Variants in RET observed in about 807,000 individuals in gnomAD.
The protein encoded by RET is ret proto-oncogene.
A neutral mutation model predicts 118.3 loss-of-function variants in RET; 19 were observed. The observed-to-expected ratio is 0.16, with a 90% CI of 0.11 to 0.24. The LOEUF is 0.24. RET is among the 10% of genes least tolerant of loss of function. RET has a pLI of 1.00. For missense variants in RET, 1,219 were observed against 1,502.1 expected, an observed-to-expected ratio of 0.81 and a Z score of 3.12; for synonymous variants, 597 against 644.1, an observed-to-expected ratio of 0.93 and a Z score of 1.11.
rs146827277 is a variant in RET at position 43,117,284 on chromosome 10, AC to A, written c.2284+554del. On this transcript the variant is annotated intron_variant, in intron 12 of 19. Transcript: ENST00000355710. ...GGCGGTGAGGGAGAGTGGTTGGTGT[AC>A]ATAACAATTATCTGCAGTAGTCGGG... is the stretch of plus-strand genomic sequence containing the variant. Among the ~76,000 whole-genome samples the A allele has an allele frequency of 7.2e-4, 110 of 152,378 alleles. No homozygotes were observed. The East Asian group carries it at 0.019, about 27-fold the overall frequency.
At chr10:43,102,861 T>C (rs1837673059) in intron 3 of RET, 2 of 605,374 alleles carry the variant, frequency 3.3e-6, no homozygotes, top group Non-Finnish European at 5.8e-6. Flanking sequence ...GCTTTCATTC[T>C]TGTGGGGCAG....
At chr10:43,083,321 C>A (rs1837225376) in intron 1 of RET, among the ~76,000 whole-genome samples, 1 of 152,238 alleles carries the variant, frequency 6.6e-6, no homozygotes, top group African/African-American at 2.4e-5. Flanking sequence ...AGCCTCCCCA[C>A]CACCTGTATA....
In RET at chr10:43,106,595, C is replaced by G; in HGVS notation, c.1063+24C>G. 1 of 1,609,314 alleles carries G rather than the reference C, an allele frequency of 6.2e-7. No individual in the cohort carries two copies. The highest frequency in any genetic ancestry group is 8.5e-7 in the Non-Finnish European group (1 of 1,177,572). ...TAGTAAGAGGGGCTGGTGGCACGGCCTGGCTAGGCCCCCAGGAAATGAGGT... is the reference window on the plus strand; with the variant it reads ...TAGTAAGAGGGGCTGGTGGCACGGCGTGGCTAGGCCCCCAGGAAATGAGGT... On this transcript the variant is annotated intron_variant, in intron 5 of 19. Transcript: ENST00000355710. This position sits in a 1 kb window ranked among gnomAD's most constrained non-coding sequence, Gnocchi z 5.1.
chr10:43,110,130 A>G (rs540226330), intron 6 of RET, among the ~76,000 whole-genome samples: 1 of 152,150 alleles, frequency 6.6e-6, no homozygotes, highest in African/African-American at 2.4e-5. Flanking sequence ...GGGATCAGAG[A>G]CAGAGGGGCG....
chr10:43,102,266 G>C lies in RET; in HGVS notation c.338-76G>C, dbSNP rs376004944. The stretch of plus-strand genomic sequence containing the variant: ...GACCAGGGTTTACACCAGCCCTGGA[G>C]CTCCTGCCTCCTCCCCATTCCCGAC... On this transcript the variant is annotated intron_variant, in intron 2 of 19. Transcript: ENST00000355710. 33 of 1,579,762 alleles carry C rather than the reference G, an allele frequency of 2.1e-5. 1 individual carries two copies. In the South Asian group the frequency reaches 2.3e-4, roughly 11 times the overall value.
rs1161172987 is a variant in RET, at chr10:43,129,114, T to C, written c.*845T>C. On this transcript the variant is annotated 3_prime_UTR_variant, in exon 20 of 20. Coordinates refer to ENST00000355710, the MANE Select transcript of RET (RefSeq NM_020975.6). ...AAGGGGGCTGTTGGAGTCCCAGAATTGCTGACAGCAGAGGCTTTGCTGCTG... is the reference window on the plus strand; with the variant it reads ...AAGGGGGCTGTTGGAGTCCCAGAATCGCTGACAGCAGAGGCTTTGCTGCTG... 4.3e-6 allele frequency: 1 copy of C among 233,398 alleles called. No homozygotes were observed. Among genetic ancestry groups the C allele is most frequent in the Non-Finnish European group, 8.5e-6 (1 of 118,168 alleles). 14.5% of individuals were successfully genotyped at this position (233,398 alleles called of 1,614,324 possible). A position where few individuals can be genotyped will look rare whatever the true frequency, so the allele number is the denominator to read the frequency against.
Position 43,113,539 on chromosome 10 carries a change from G to A in RET, c.1760-17G>A, listed in dbSNP as rs2132825732. 1 of 1,598,382 alleles carries A rather than the reference G, an allele frequency of 6.3e-7. No individual in the cohort carries two copies. The highest frequency in any genetic ancestry group is 8.5e-7 in the Non-Finnish European group (1 of 1,174,608). ...TCAGGCGCCCCAGGAGGCTGAGTGG[G>A]CTACGTCTGCCCTCAGGGGGCAGCA... On this transcript the variant is annotated splice_polypyrimidine_tract_variant and intron_variant, in intron 9 of 19. Transcript: ENST00000355710.
chr10:43,100,452 C>T lies in RET; in HGVS notation c.74-7C>T, dbSNP rs778358165. ...CCATCCCTCACTCACTTCCCTACTT[C>T]CCACAGTGGCATTGGGCCTCTACTT... On this transcript the variant is annotated splice_polypyrimidine_tract_variant and splice_region_variant and intron_variant, in intron 1 of 19. Transcript: ENST00000355710. The T allele has an allele frequency of 4.3e-6, 7 of 1,612,678 alleles. No individual in the cohort carries two copies. In the Admixed American group the frequency reaches 1.0e-4, roughly 23 times the overall value.
intron 1 of RET, among the ~76,000 whole-genome samples, chr10:43,080,644 G>A (rs552190623): frequency 3.3e-5 from 5 of 152,328 alleles, no homozygotes; most frequent in African/African-American, 9.6e-5. Context: ...CCCCCACCTC[G>A]GGCTCCAGGT....
intron 6 of RET, 82 bp from the exon 7 acceptor site, chr10:43,111,125 A>G (rs1837908951): frequency 6.3e-7 from 1 of 1,593,744 alleles, no homozygotes; most frequent in South Asian, 1.1e-5. Flanking sequence ...TCCAGGACTT[A>G]GGCTGTGTGG....
chr10:43,082,057 G>A (rs1362806783), intron 1 of RET, among the ~76,000 whole-genome samples: 2 of 152,186 alleles, frequency 1.3e-5, no homozygotes, highest in Admixed American at 1.3e-4. Context: ...TCCCGCAGCT[G>A]TGTGATCATG....
At chr10:43,113,105 T>G in intron 9 of RET, 142 bp downstream of exon 9, 1 of 756,932 alleles carries the variant, frequency 1.3e-6, no homozygotes, top group Non-Finnish European at 2.3e-6. Context: ...AGCATCACCC[T>G]AGCCATGGGG....
Position 43,106,430 on chromosome 10 carries a change from G to A in RET, c.922G>A (p.Gly308Arg), listed in dbSNP as rs1060500763. Residue 308 changes from glycine to arginine, a missense_variant, in exon 5 of 20, where the codon GGG becomes AGG. Gly to Arg is a moderately radical substitution (Grantham distance 125). Around this residue, in one of 5 missense-constraint regions of RET, gnomAD observed 850 missense variants for 969.6 expected, o/e 0.88. Transcript: ENST00000355710. This position sits in a 1 kb window ranked among gnomAD's most constrained non-coding sequence, Gnocchi z 5.1. The stretch of plus-strand genomic sequence containing the variant: ...CGATGCAGACGTGGTACCTGCATCA[G>A]GGGAGCTGGTGAGGCGGTACACAAG... ...VFDADVVPASGELVRRYTSTL... is the reference protein window; with the variant it reads ...VFDADVVPASRELVRRYTSTL... 1 of 1,613,506 alleles carries A rather than the reference G, an allele frequency of 6.2e-7. No homozygotes were observed. The highest frequency in any genetic ancestry group is 1.3e-5 in the African/African-American group (1 of 75,038).
chr10:43,113,887 G>A (rs951727644), intron 10 of RET, among the ~76,000 whole-genome samples: 1 of 152,212 alleles, frequency 6.6e-6, no homozygotes, highest in Non-Finnish European at 1.5e-5. Flanking sequence ...ATGATGGACA[G>A]GCCAGAAAAG....
chr10:43,120,231 C>CTCCCAGGGA, intron 15 of RET, 28 bp downstream of exon 15: 1 of 1,610,208 alleles, frequency 6.2e-7, no homozygotes, highest in Non-Finnish European at 8.5e-7. Context: ...TGAGGCGGGG[C>CTCCCAGGGA]TCCCAGGGAT....
At chr10:43,077,540 G>T (rs897290363) in intron 1 of RET, among the ~76,000 whole-genome samples, 13 of 150,292 alleles carry the variant, frequency 8.6e-5, no homozygotes, top group South Asian at 8.3e-4. Flanking sequence ...TCGGGCCGGG[G>T]CTGGGCGGGT....
intron 10 of RET, 21 bp downstream of exon 10, chr10:43,113,696 A>G (rs1381367998): frequency 1.2e-6 from 2 of 1,611,824 alleles, no homozygotes; most frequent in African/African-American, 1.3e-5. Flanking sequence ...GGCGGCCGGG[A>G]CCACCACCAC....
chr10:43,128,450 A>AT lies in RET; in HGVS notation c.*185dup. Reference sequence around the variant, plus strand: ...GTGGTTTTACTTCTGATAGCCGGTGATTTTCCCTCCTAGCAGACATGCCAC... The same window carrying AT: ...GTGGTTTTACTTCTGATAGCCGGTGATTTTTCCCTCCTAGCAGACATGCCAC... On this transcript the variant is annotated 3_prime_UTR_variant, in exon 20 of 20. Transcript: ENST00000355710. The AT allele has an allele frequency of 1.4e-6, 1 of 698,898 alleles. No homozygotes were observed. Among genetic ancestry groups the AT allele is most frequent in the Non-Finnish European group, 2.5e-6 (1 of 396,630 alleles). The allele number at this position is 698,898 out of a possible 1,614,324, so 43.3% of individuals were successfully genotyped here. A position where few individuals can be genotyped will look rare whatever the true frequency, so the allele number is the denominator to read the frequency against.
rs1397237755 is a variant in RET at position 43,116,685 on chromosome 10, G to A, written c.2238G>A (p.Leu746=). 1.2e-6 allele frequency: 2 copies of A among 1,613,688 alleles called. No homozygotes were observed. Among genetic ancestry groups the A allele is most frequent in the African/African-American group, 2.7e-5 (2 of 74,930 alleles). Residue 746 remains leucine, a synonymous_variant, in exon 12 of 20, where the codon CTG becomes CTA. Transcript: ENST00000355710. ...TGGTCAAGGCAACGGCCTTCCATCT[G>A]AAAGGCAGAGCAGGGTACACCACGG... The part of the protein sequence containing the change: ...GKVVKATAFH[L]KGRAGYTTVA...
Sources: gnomAD v4.1 joint callset for allele counts (sites outside exome capture counted in the v4.1 genomes callset) on GRCh38, gnomAD v4.1.1 for gene constraint, gnomAD v4.1.1 regional missense constraint, Gnocchi (gnomAD v3.1) non-coding constraint, MANE v1.5 for transcripts, NCBI Gene and HGNC (gene_info 2026-07-23, HGNC 2026-07-21) for gene names.